PIK3C2B: variants seen among roughly 807,000 people sequenced by gnomAD.
PIK3C2B encodes phosphatidylinositol 4-phosphate 3-kinase C2 domain-containing subunit beta.
PIK3C2B carries 83 observed loss-of-function variants against 184.3 expected under a neutral mutation model. That is an observed-to-expected ratio of 0.45 (90% CI 0.38 to 0.54). PIK3C2B has a LOEUF of 0.54. Among genes scored for constraint, PIK3C2B ranks in the 20% least tolerant of loss-of-function variants. PIK3C2B has a pLI of 0.00. For missense variants in PIK3C2B, 1,736 were observed against 2,113.5 expected, an observed-to-expected ratio of 0.82 and a Z score of 3.50; for synonymous variants, 779 against 837.6, an observed-to-expected ratio of 0.93 and a Z score of 1.21.
chr1:204,487,254 C>T (rs1657671951), intron 1 of PIK3C2B, among the ~76,000 whole-genome samples: 1 of 152,232 alleles, frequency 6.6e-6, no homozygotes, highest in South Asian at 2.1e-4. Context: ...TACAGGTGCA[C>T]ACCACCATGT....
At chr1:204,444,306 C>G in intron 17 of PIK3C2B, 25 bp downstream of exon 17, 1 of 1,596,474 alleles carries the variant, frequency 6.3e-7, no homozygotes, top group Non-Finnish European at 8.6e-7. Flanking sequence ...ACCAGCAAAA[C>G]TGGAGGGAGG....
At position 204,431,182 on chromosome 1, in the gene PIK3C2B, T is replaced by C. The variant is rs747365528; in HGVS notation, c.4280+487A>G. Among the ~76,000 whole-genome samples the C allele has an allele frequency of 1.9e-4, 29 of 152,202 alleles. 1 individual carries two copies. The highest frequency in any genetic ancestry group is 3.2e-3 in the Middle Eastern group (1 of 316). ...AGACCTGGGCAACTAGCTTTCTACT[T>C]TCTGCCTCTAGGAGTCTGACTACTC... On this transcript the variant is annotated intron_variant, in intron 28 of 32. Transcript: ENST00000684373.
In PIK3C2B at chr1:204,449,309, G is replaced by C. The variant is rs1013601121; in HGVS notation, c.2235-13C>G. On this transcript the variant is annotated splice_polypyrimidine_tract_variant and intron_variant, in intron 13 of 32. Transcript: ENST00000684373. ...ACAGGTCAGGACCCTAAGAAGGAGG[G>C]AGAGTGGGAAGAGCTGCTAAAGTGG... 6 of 1,591,340 alleles carry C rather than the reference G, an allele frequency of 3.8e-6. No homozygotes were observed. Among genetic ancestry groups the C allele is most frequent in the Non-Finnish European group, 5.2e-6 (6 of 1,164,502 alleles).
At chr1:204,454,240 T>C (rs899226038) in intron 12 of PIK3C2B, among the ~76,000 whole-genome samples, 1 of 148,186 alleles carries the variant, frequency 6.7e-6, no homozygotes, top group Non-Finnish European at 1.5e-5. Context: ...CCCAGCACTC[T>C]GGGAGGCCGA....
chr1:204,454,401 G>T (rs1405044221), intron 12 of PIK3C2B, among the ~76,000 whole-genome samples: 3 of 149,000 alleles, frequency 2.0e-5, no homozygotes, highest in Non-Finnish European at 4.4e-5. Flanking sequence ...AGAATGGCGT[G>T]AACCCAGGAG....
rs1188617397 is a variant in PIK3C2B, at chr1:204,457,078, GA to G, written c.1714-9del. On this transcript the variant is annotated splice_polypyrimidine_tract_variant and intron_variant, in intron 9 of 32. Coordinates refer to ENST00000684373, the MANE Select transcript of PIK3C2B (RefSeq NM_001377334.1). ...AGCCAAGACACTGGGATCCTGTTGG[GA>G]AAAAGAAGAGGGAGGGGAGCTTCAG... 1 of 1,560,778 alleles carries G rather than the reference GA, an allele frequency of 6.4e-7. No individual in the cohort carries two copies. The highest frequency in any genetic ancestry group is 1.9e-5 in the Admixed American group (1 of 52,700).
At chr1:204,486,372 G>T (rs1010982436) in intron 1 of PIK3C2B, among the ~76,000 whole-genome samples, 1 of 145,196 alleles carries the variant, frequency 6.9e-6, no homozygotes, top group African/African-American at 2.6e-5. Flanking sequence ...TCCAGCCTGG[G>T]TGACAGAGTG....
chr1:204,474,027 T>C (rs1460529849), intron 1 of PIK3C2B, among the ~76,000 whole-genome samples: 1 of 140,260 alleles, frequency 7.1e-6, no homozygotes, highest in East Asian at 2.2e-4. Context: ...GTTTCGCTCT[T>C]GCTGCCCAAG....
chr1:204,452,288 CT>C (rs71145086), intron 12 of PIK3C2B, among the ~76,000 whole-genome samples: 158 of 71,062 alleles, frequency 2.2e-3, no homozygotes, highest in African/African-American at 7.9e-3. Context: ...GTGCAGCACC[CT>C]TTTTTTTTTT....
intron 1 of PIK3C2B, among the ~76,000 whole-genome samples, chr1:204,484,245 C>A (rs1657413821): frequency 6.6e-6 from 1 of 152,116 alleles, no homozygotes; most frequent in African/African-American, 2.4e-5. Context: ...TCACAACAAT[C>A]CTTAAATGTG....
intron 1 of PIK3C2B, among the ~76,000 whole-genome samples, chr1:204,484,982 G>C (rs961252090): frequency 1.3e-5 from 2 of 152,024 alleles, no homozygotes; most frequent in Non-Finnish European, 2.9e-5. Flanking sequence ...TGGGAGTCCA[G>C]GTCCTTAGAC....
intron 5 of PIK3C2B, among the ~76,000 whole-genome samples, chr1:204,462,103 C>A (rs1655381977): frequency 6.6e-6 from 1 of 152,116 alleles, no homozygotes; most frequent in Non-Finnish European, 1.5e-5. Context: ...TGGGGACTTG[C>A]TTGATCTTCT....
At chr1:204,431,223 A>T in intron 28 of PIK3C2B, 1 of 241,866 alleles carries the variant, frequency 4.1e-6, no homozygotes, top group Admixed American at 4.8e-5. Context: ...AACTCAGATA[A>T]GTGGAATCGT....
At chr1:204,486,225 G>A (rs1657574465) in intron 1 of PIK3C2B, among the ~76,000 whole-genome samples, 1 of 151,400 alleles carries the variant, frequency 6.6e-6, no homozygotes, top group African/African-American at 2.4e-5. Flanking sequence ...GTGAAACCCT[G>A]TCTCTACTAA....
intron 1 of PIK3C2B, among the ~76,000 whole-genome samples, chr1:204,492,717 C>A (rs775057467): frequency 6.6e-6 from 1 of 152,210 alleles, no homozygotes; most frequent in Non-Finnish European, 1.5e-5. Flanking sequence ...CCCTTCCTCA[C>A]CCAGCACACC....
At chr1:204,443,008 T>C (rs1675755877) in intron 19 of PIK3C2B, among the ~76,000 whole-genome samples, 1 of 152,252 alleles carries the variant, frequency 6.6e-6, no homozygotes, top group Non-Finnish European at 1.5e-5. Context: ...GGAACACTGC[T>C]GGCTGGTTAC....
rs1253400631 is a variant in PIK3C2B, at chr1:204,462,199, A to G, written c.1311-1538T>C. 2.0e-5 allele frequency among the ~76,000 whole-genome samples: 3 copies of G among 152,142 alleles called. No individual in the cohort carries two copies. The East Asian group carries it at 5.8e-4, about 29-fold the overall frequency. ...CCGCTGACCCTGTCCCACCTCACTA[A>G]GAATATTTCACCTGAGTCTTAGCAG... is the stretch of plus-strand genomic sequence containing the variant. On this transcript the variant is annotated intron_variant, in intron 5 of 32. Transcript: ENST00000684373.
At chr1:204,434,810 T>A (rs1675254664) in intron 23 of PIK3C2B, among the ~76,000 whole-genome samples, 1 of 152,264 alleles carries the variant, frequency 6.6e-6, no homozygotes, top group Non-Finnish European at 1.5e-5. Context: ...CCATGTCTTA[T>A]GGAAAAGATG....
intron 1 of PIK3C2B, among the ~76,000 whole-genome samples, chr1:204,490,974 G>C (rs1657965877): frequency 6.6e-6 from 1 of 152,154 alleles, no homozygotes; most frequent in Non-Finnish European, 1.5e-5. Context: ...TTGGAAGGTA[G>C]ACATAGAAAT....
Sources: gnomAD v4.1 joint callset for allele counts (sites outside exome capture counted in the v4.1 genomes callset) on GRCh38, gnomAD v4.1.1 for gene constraint, MANE v1.5 for transcripts, NCBI Gene and HGNC (gene_info 2026-07-23, HGNC 2026-07-21) for gene names.